Variants in ZNF407 observed in about 807,000 individuals in gnomAD.
ZNF407 encodes zinc finger protein 407.
In ZNF407, 17 loss-of-function variants were observed where a neutral mutation model predicts 131.2. The observed-to-expected ratio is 0.13, with a 90% confidence interval of 0.09 to 0.19. The LOEUF (loss-of-function observed/expected upper bound fraction) is 0.19. Among genes scored for constraint, ZNF407 ranks in the 10% least tolerant of loss-of-function variants. The pLI, the probability that ZNF407 is intolerant of heterozygous loss-of-function variation, is 1.00. For synonymous variants in ZNF407, 1,156 were observed against 1,062.0 expected, an observed-to-expected ratio of 1.09 and a Z score of -1.72; for missense variants, 2,681 against 2,830.6, an observed-to-expected ratio of 0.95 and a Z score of 1.20.
At chr18:74,759,531 C>G (rs1277615642) in intron 3 of ZNF407, among the ~76,000 whole-genome samples, 1 of 151,558 alleles carries the variant, frequency 6.6e-6, no homozygotes, top group African/African-American at 2.4e-5. Context: ...CCTCTTTCTT[C>G]TTCTCCTTGT....
intron 8 of ZNF407, among the ~76,000 whole-genome samples, chr18:74,972,937 C>CTA (rs1972488700): frequency 6.6e-6 from 1 of 152,172 alleles, no homozygotes; most frequent in Non-Finnish European, 1.5e-5. Context: ...TAACCACCTG[C>CTA]CCTTAGCATA....
chr18:75,036,365 G>A (rs945977401), intron 8 of ZNF407, among the ~76,000 whole-genome samples: 4 of 151,930 alleles, frequency 2.6e-5, no homozygotes, highest in African/African-American at 7.3e-5. Context: ...GACAGTCCCT[G>A]ACTGAGCATG....
chr18:74,969,328 T>G (rs1972445314), intron 8 of ZNF407, among the ~76,000 whole-genome samples: 3 of 152,188 alleles, frequency 2.0e-5, no homozygotes, highest in Admixed American at 6.5e-5. Flanking sequence ...GACAGGTGAT[T>G]TTCATTGTAT....
chr18:74,915,067 A>C (rs1037295943), intron 7 of ZNF407, among the ~76,000 whole-genome samples: 24 of 152,130 alleles, frequency 1.6e-4, no homozygotes, highest in African/African-American at 5.8e-4. Context: ...AAATTTATTA[A>C]CTCTTTCATA....
chr18:75,020,195 T>A (rs755595234), intron 8 of ZNF407, among the ~76,000 whole-genome samples: 19 of 152,308 alleles, frequency 1.2e-4, no homozygotes, highest in Non-Finnish European at 2.1e-4. Flanking sequence ...GTGCGTAATT[T>A]ATAAATTAAA....
chr18:75,046,852 TTTGCCTCCCGGA>T (rs1973441522), intron 8 of ZNF407, among the ~76,000 whole-genome samples: 1 of 152,166 alleles, frequency 6.6e-6, no homozygotes, highest in Non-Finnish European at 1.5e-5. Flanking sequence ...GAATTTGGCA[TTTGCCTCCCGGA>T]TGTCCCTTGA....
At chr18:74,977,717 C>T (rs964013559) in intron 8 of ZNF407, among the ~76,000 whole-genome samples, 1 of 152,014 alleles carries the variant, frequency 6.6e-6, no homozygotes, top group African/African-American at 2.4e-5. Flanking sequence ...AGTCCCCTCT[C>T]TGCGAGATCC....
intron 8 of ZNF407, among the ~76,000 whole-genome samples, chr18:74,956,565 T>A (rs1972277379): frequency 6.6e-6 from 1 of 152,206 alleles, no homozygotes; most frequent in Non-Finnish European, 1.5e-5. Context: ...TGACATAATA[T>A]GTGCAGCAAG....
At chr18:74,751,898 G>T (rs979502347) in intron 3 of ZNF407, among the ~76,000 whole-genome samples, 1 of 152,174 alleles carries the variant, frequency 6.6e-6, no homozygotes, top group Non-Finnish European at 1.5e-5. Flanking sequence ...GTAATGGGAT[G>T]GCTGGGTCAA....
intron 8 of ZNF407, among the ~76,000 whole-genome samples, chr18:74,937,017 A>G (rs904011595): frequency 6.6e-6 from 1 of 152,232 alleles, no homozygotes; most frequent in Admixed American, 6.5e-5. Flanking sequence ...TTGTGTTTAT[A>G]CATGCTGGAT....
At chr18:75,054,882 C>T (rs1973543317) in intron 8 of ZNF407, among the ~76,000 whole-genome samples, 1 of 152,234 alleles carries the variant, frequency 6.6e-6, no homozygotes, top group Admixed American at 6.5e-5. Context: ...CTTTTCCAAG[C>T]ATGGGCTCCC....
intron 8 of ZNF407, among the ~76,000 whole-genome samples, chr18:75,035,334 C>A (rs1405032165): frequency 1.3e-5 from 2 of 152,194 alleles, no homozygotes; most frequent in African/African-American, 4.8e-5. Context: ...AAGTGAGATA[C>A]CTGTTAGAGT....
chr18:74,823,583 T>C (rs1970370346), intron 4 of ZNF407, among the ~76,000 whole-genome samples: 1 of 152,002 alleles, frequency 6.6e-6, no homozygotes, highest in South Asian at 2.1e-4. Context: ...TAAAACAGAC[T>C]TCAAACCAAC....
intron 3 of ZNF407, among the ~76,000 whole-genome samples, chr18:74,668,201 T>C (rs1308623248): frequency 3.3e-5 from 5 of 152,190 alleles, no homozygotes; most frequent in Non-Finnish European, 7.3e-5. Flanking sequence ...GTCCAAACTT[T>C]GTTTCGTGCC....
At chr18:74,826,558 G>T (rs575213924) in intron 4 of ZNF407, among the ~76,000 whole-genome samples, 2 of 152,108 alleles carry the variant, frequency 1.3e-5, no homozygotes, top group East Asian at 1.9e-4. Flanking sequence ...TGTGGTGTTC[G>T]TAGGGTCAGG....
At chr18:74,992,243 C>T (rs979102913) in intron 8 of ZNF407, among the ~76,000 whole-genome samples, 2 of 152,180 alleles carry the variant, frequency 1.3e-5, no homozygotes, top group African/African-American at 4.8e-5. Context: ...TAAATAATTA[C>T]ATTCCTTTTT....
intron 3 of ZNF407, among the ~76,000 whole-genome samples, chr18:74,765,915 G>C (rs11660206): frequency 0.63 from 95,628 of 151,846 alleles, 32,548 homozygotes; most frequent in East Asian, 0.88. Context: ...CAATGGGAAG[G>C]ATAAAACTGG....
intron 4 of ZNF407, among the ~76,000 whole-genome samples, chr18:74,814,131 T>C (rs1482986390): frequency 6.6e-6 from 1 of 152,106 alleles, no homozygotes; most frequent in Non-Finnish European, 1.5e-5. Flanking sequence ...TGGTTTTGTT[T>C]GTGAGTTTGT....
intron 4 of ZNF407, among the ~76,000 whole-genome samples, chr18:74,793,016 G>A (rs1368852526): frequency 2.0e-5 from 3 of 152,060 alleles, no homozygotes; most frequent in Non-Finnish European, 4.4e-5. Context: ...TAACATTGTC[G>A]ATTCCTAAGA....
Sources: allele counts gnomAD v4.1 joint callset (sites outside exome capture counted in the v4.1 genomes callset), GRCh38; gene constraint gnomAD v4.1.1; transcripts MANE v1.5; gene names NCBI Gene and HGNC (gene_info 2026-07-23, HGNC 2026-07-21).